Variants in HERC6 observed in about 807,000 individuals in gnomAD.
HERC6 encodes probable E3 ubiquitin-protein ligase HERC6.
HERC6 carries 101 observed loss-of-function variants against 114.5 expected under a neutral mutation model. The observed-to-expected ratio is 0.88, with a 90% CI of 0.75 to 1.04. HERC6 has a LOEUF of 1.04. Ranked by LOEUF, HERC6 falls within the 50% of genes least tolerant of loss-of-function variation. HERC6 has a pLI of 0.00. For synonymous variants in HERC6, 408 were observed against 436.2 expected (o/e 0.94, Z 0.81); for missense variants, 1,133 against 1,230.9 (o/e 0.92, Z 1.19).
intron 16 of HERC6, 133 bp downstream of exon 16, chr4:88,428,883 C>A: frequency 1.5e-6 from 1 of 672,192 alleles, no homozygotes; most frequent in Non-Finnish European, 2.3e-6. Context: ...CAGAATTCCC[C>A]TCTTACCCTT....
intron 4 of HERC6, among the ~76,000 whole-genome samples, 184 bp from the exon 5 acceptor site, chr4:88,393,304 T>TAA (rs146887887): frequency 6.9e-6 from 1 of 145,568 alleles, no homozygotes; most frequent in African/African-American, 2.5e-5. Flanking sequence ...ACCCCTTACA[T>TAA]AAAAAAAAAA....
In HERC6 at chr4:88,390,902, G is replaced by A. The variant is rs778579023; in HGVS notation, c.664+23G>A. ...CAGGTAAGGAGATAGTCTTGTTTGT[G>A]CAGTAAATCATTCTTTCTTTCCAGG... On this transcript the variant is annotated intron_variant, in intron 4 of 22. Transcript: ENST00000264346. 9 of 1,573,582 alleles carry A rather than the reference G, an allele frequency of 5.7e-6. No individual in the cohort carries two copies. In the East Asian group the frequency reaches 1.1e-4, roughly 20 times the overall value.
At chr4:88,414,802 T>C (rs1736339267) in intron 12 of HERC6, among the ~76,000 whole-genome samples, 1 of 152,224 alleles carries the variant, frequency 6.6e-6, no homozygotes, top group African/African-American at 2.4e-5. Context: ...CAAGCTGTTT[T>C]ATCATCAAGG....
At chr4:88,384,096 T>G (rs1022425217) in intron 2 of HERC6, among the ~76,000 whole-genome samples, 2 of 152,136 alleles carry the variant, frequency 1.3e-5, no homozygotes, top group Non-Finnish European at 2.9e-5. Flanking sequence ...CCCAGTAACT[T>G]CCTTGAGTGA....
intron 20 of HERC6, 93 bp from the exon 21 acceptor site, chr4:88,439,781 A>G: frequency 8.2e-7 from 1 of 1,214,254 alleles, no homozygotes; most frequent in East Asian, 2.7e-5. Context: ...TTCCTTCTCA[A>G]TAGAAATAGT....
chr4:88,385,445 C>A, intron 2 of HERC6, 54 bp from the exon 3 acceptor site: 1 of 830,358 alleles, frequency 1.2e-6, no homozygotes, highest in Non-Finnish European at 1.9e-6. Flanking sequence ...TGTAGTCCAC[C>A]GGACAACTCG....
In HERC6 at chr4:88,442,615, C is replaced by CA; in HGVS notation, c.*159dup. The CA allele has an allele frequency of 3.1e-6, 2 of 653,392 alleles. No homozygotes were observed. The highest frequency in any genetic ancestry group is 5.4e-6 in the Non-Finnish European group (2 of 367,772). 40.5% of individuals were successfully genotyped at this position (653,392 alleles called of 1,614,324 possible). A position where few individuals can be genotyped will look rare whatever the true frequency, so the allele number is the denominator to read the frequency against. ...AGATGATGATGATGGTCAAAGGGTG[C>CA]AAAATCTCACACAAGACTGAGGCAG... On this transcript the variant is annotated 3_prime_UTR_variant, in exon 23 of 23. Transcript: ENST00000264346.
intron 22 of HERC6, chr4:88,440,514 G>GT (rs1039177585): frequency 2.7e-5 from 10 of 367,162 alleles, no homozygotes; most frequent in African/African-American, 2.1e-4. Flanking sequence ...GAAATGCAGG[G>GT]TTTTTTATAG....
chr4:88,395,341 T>C (rs952200223), intron 5 of HERC6, among the ~76,000 whole-genome samples: 7 of 152,200 alleles, frequency 4.6e-5, no homozygotes, highest in African/African-American at 1.7e-4. Context: ...TACTTAAATG[T>C]TGGTTTTACT....
At chr4:88,424,800 A>T in intron 15 of HERC6, 98 bp downstream of exon 15, 1 of 712,878 alleles carries the variant, frequency 1.4e-6, no homozygotes. Context: ...AGCAATTGTC[A>T]ACATTTTGCC....
chr4:88,416,903 T>C (rs1331654082), intron 12 of HERC6, among the ~76,000 whole-genome samples: 1 of 152,194 alleles, frequency 6.6e-6, no homozygotes, highest in East Asian at 1.9e-4. Flanking sequence ...TTCTGAGAAT[T>C]TAAAGGTTCC....
rs1262478971 is a variant in HERC6 at position 88,390,896 on chromosome 4, G to A, written c.664+17G>A. The A allele has an allele frequency of 6.3e-7, 1 of 1,586,384 alleles. No individual in the cohort carries two copies. The highest frequency in any genetic ancestry group is 8.6e-7 in the Non-Finnish European group (1 of 1,161,486). The stretch of plus-strand genomic sequence containing the variant: ...ATGTCCCAGGTAAGGAGATAGTCTT[G>A]TTTGTGCAGTAAATCATTCTTTCTT... On this transcript the variant is annotated intron_variant, in intron 4 of 22. Transcript: ENST00000264346.
intron 18 of HERC6, 57 bp from the exon 19 acceptor site, chr4:88,436,848 C>T: frequency 8.3e-7 from 1 of 1,197,628 alleles, no homozygotes; most frequent in Non-Finnish European, 1.2e-6. Flanking sequence ...TTGAAAATTA[C>T]TTGTGAAACT....
intron 8 of HERC6, among the ~76,000 whole-genome samples, chr4:88,400,053 G>C (rs1002048941): frequency 6.6e-6 from 1 of 152,156 alleles, no homozygotes; most frequent in African/African-American, 2.4e-5. Flanking sequence ...CAAAGAGCTC[G>C]ACAAGATGGA....
At chr4:88,420,190 G>C (rs1736890062) in intron 13 of HERC6, among the ~76,000 whole-genome samples, 1 of 152,100 alleles carries the variant, frequency 6.6e-6, no homozygotes, top group South Asian at 2.1e-4. Flanking sequence ...AGTACTCCTT[G>C]TGTTGAAAAT....
Position 88,428,614 on chromosome 4 carries a change from A to T in HERC6, c.1970A>T (p.Glu657Val). 6.2e-7 allele frequency: 1 copy of T among 1,608,182 alleles called. No individual in the cohort carries two copies. The highest frequency in any genetic ancestry group is 8.5e-7 in the Non-Finnish European group (1 of 1,177,986). The change falls in exon 16 of 23, where the codon GAA becomes GTA. Residue 657 changes from glutamate to valine, a missense_variant. Physicochemically the swap from Glu to Val is moderately radical, Grantham distance 121. This residue lies in a region of HERC6 where 388 missense variants were observed against 445.9 expected (regional missense o/e 0.87). Transcript: ENST00000264346. The part of the protein sequence containing the change: ...SEKKAYMLMH[E>V]TILQKKDEFP... ...AAGAAAGCATACATGCTTATGCATGAAACAATTCTGCAAAAAAAGGATGAA... is the reference window on the plus strand; with the variant it reads ...AAGAAAGCATACATGCTTATGCATGTAACAATTCTGCAAAAAAAGGATGAA...
Position 88,383,244 on chromosome 4 carries a change from C to T in HERC6, c.223C>T (p.Leu75=). The change falls in exon 2 of 23, where the codon CTA becomes TTA. Residue 75 remains leucine (L), a synonymous_variant. Transcript: ENST00000264346. The stretch of plus-strand genomic sequence containing the variant: ...AGAACCAATTCAGGCATTGGAAACC[C>T]TAATTGTTGATCTCGTGAGCTGCGG... ...LPEPIQALET[L]IVDLVSCGKE... The T allele has an allele frequency of 6.2e-7, 1 of 1,610,412 alleles. No homozygotes were observed. The highest frequency in any genetic ancestry group is 8.5e-7 in the Non-Finnish European group (1 of 1,178,400).
chr4:88,407,898 G>A (rs1421108023), intron 10 of HERC6, among the ~76,000 whole-genome samples: 4 of 152,190 alleles, frequency 2.6e-5, no homozygotes, highest in Non-Finnish European at 5.9e-5. Context: ...TCTGGCTTAA[G>A]GAGGTCTTTC....
At chr4:88,420,393 T>A (rs890383802) in intron 13 of HERC6, among the ~76,000 whole-genome samples, 7 of 152,118 alleles carry the variant, frequency 4.6e-5, no homozygotes, top group African/African-American at 1.7e-4. Flanking sequence ...TTTGTCGGGC[T>A]TTTGATTGTG....
Sources: allele counts gnomAD v4.1 joint callset (sites outside exome capture counted in the v4.1 genomes callset), GRCh38; gene constraint gnomAD v4.1.1; regional missense constraint gnomAD v4.1.1; transcripts MANE v1.5; gene names NCBI Gene and HGNC (gene_info 2026-07-23, HGNC 2026-07-21).